Variants in TAF3 observed in about 807,000 individuals in gnomAD.
The protein encoded by TAF3 is transcription initiation factor TFIID subunit 3.
A neutral mutation model predicts 80.6 loss-of-function variants in TAF3; 7 were observed. That is an observed-to-expected ratio of 0.09 (90% CI 0.05 to 0.16). The LOEUF (loss-of-function observed/expected upper bound fraction) is 0.16. Among genes scored for constraint, TAF3 ranks in the 10% least tolerant of loss-of-function variants. TAF3 has a pLI of 1.00. For missense variants in TAF3, 921 were observed against 1,140.2 expected (o/e 0.81, Z 2.77); for synonymous variants, 444 against 446.1 (o/e 1.00, Z 0.06).
chr10:7,946,911 C>CT (rs1051456993), intron 2 of TAF3, among the ~76,000 whole-genome samples: 4 of 152,148 alleles, frequency 2.6e-5, no homozygotes, highest in Non-Finnish European at 4.4e-5. Flanking sequence ...TAAAACTTTT[C>CT]TTTTTTTAAA....
Position 7,920,348 on chromosome 10 carries a change from G to A in TAF3, c.410-43572G>A, listed in dbSNP as rs528010170. Among the ~76,000 whole-genome samples the A allele has an allele frequency of 1.3e-4, 20 of 149,058 alleles. No individual in the cohort carries two copies. The East Asian group carries it at 3.6e-3, about 27-fold the overall frequency. ...TGTGTGTGTATGTGTGTGTGTGTGT[G>A]TAAATGCTTGGTTCATTTGTTGAGT... On this transcript the variant is annotated intron_variant, in intron 2 of 6. Transcript: ENST00000344293.
intron 2 of TAF3, among the ~76,000 whole-genome samples, chr10:7,910,486 T>C (rs1313775154): frequency 2.0e-5 from 3 of 152,164 alleles, no homozygotes; most frequent in Non-Finnish European, 2.9e-5. Flanking sequence ...ATTCAAGTGA[T>C]TCTCCTGCTT....
At chr10:7,966,584 A>C (rs964339227) in intron 3 of TAF3, among the ~76,000 whole-genome samples, 2 of 152,098 alleles carry the variant, frequency 1.3e-5, no homozygotes, top group African/African-American at 4.8e-5. Context: ...CTTTCCGAAA[A>C]AGTATCTCTT....
chr10:7,933,882 C>T (rs1336811084), intron 2 of TAF3, among the ~76,000 whole-genome samples: 1 of 152,150 alleles, frequency 6.6e-6, no homozygotes, highest in Non-Finnish European at 1.5e-5. Flanking sequence ...TGCACGTTTT[C>T]CCCCCGATTT....
intron 2 of TAF3, among the ~76,000 whole-genome samples, chr10:7,959,675 T>C (rs1018498504): frequency 1.3e-5 from 2 of 152,210 alleles, no homozygotes; most frequent in African/African-American, 2.4e-5. Flanking sequence ...CCAATATATT[T>C]TCTAAAGTAG....
At chr10:7,993,280 G>T (rs1448978576) in intron 4 of TAF3, among the ~76,000 whole-genome samples, 1 of 152,160 alleles carries the variant, frequency 6.6e-6, no homozygotes, top group East Asian at 1.9e-4. Flanking sequence ...CTGAGCTCAA[G>T]CCATCCTCCC....
At chr10:7,924,067 C>G (rs1017702991) in intron 2 of TAF3, among the ~76,000 whole-genome samples, 1 of 152,170 alleles carries the variant, frequency 6.6e-6, no homozygotes, top group South Asian at 2.1e-4. Flanking sequence ...ATTCTCTTTG[C>G]GCACACCAAT....
At chr10:7,831,264 G>T (rs74556236) in intron 2 of TAF3, among the ~76,000 whole-genome samples, 3,124 of 151,848 alleles carry the variant, frequency 0.021, 218 homozygotes, top group East Asian at 0.17. Flanking sequence ...TTGGTTCCTT[G>T]TTATCCTTAG....
chr10:7,834,305 G>T (rs1403127446), intron 2 of TAF3, among the ~76,000 whole-genome samples: 1 of 152,088 alleles, frequency 6.6e-6, no homozygotes, highest in African/African-American at 2.4e-5. Context: ...TTTCCCCTAT[G>T]TTTTCTTTTA....
intron 2 of TAF3, among the ~76,000 whole-genome samples, chr10:7,927,013 G>T (rs1837822327): frequency 6.6e-6 from 1 of 152,104 alleles, no homozygotes; most frequent in African/African-American, 2.4e-5. Flanking sequence ...CTACACATGG[G>T]GTGGGGGATG....
Position 8,009,770 on chromosome 10 carries a change from TGC to T in TAF3, c.2568+441_2568+442del, listed in dbSNP as rs1832036302. Among the ~76,000 whole-genome samples the T allele has an allele frequency of 6.6e-6, 1 of 151,882 alleles. No individual in the cohort carries two copies. The highest frequency in any genetic ancestry group is 1.5e-5 in the Non-Finnish European group (1 of 67,952). On this transcript the variant is annotated intron_variant, in intron 5 of 6. Transcript: ENST00000344293. This position sits in a 1 kb window ranked among gnomAD's most constrained non-coding sequence, Gnocchi z 4.1. ...CTGAGTAGCTGGGATTACAGGCACG[TGC>T]CACCACACCTGGCCAATTTTTTGTA...
intron 5 of TAF3, among the ~76,000 whole-genome samples, chr10:8,012,521 G>A (rs1344200321): frequency 2.0e-5 from 3 of 152,250 alleles, no homozygotes; most frequent in South Asian, 2.1e-4. Context: ...CTTCAAGCAA[G>A]GTCAGCCAGC....
chr10:7,847,764 A>G (rs1345949862), intron 2 of TAF3, among the ~76,000 whole-genome samples: 2 of 149,910 alleles, frequency 1.3e-5, no homozygotes, highest in Non-Finnish European at 3.0e-5. Context: ...TCTTGTTAAA[A>G]CTTCTTTTTT....
intron 2 of TAF3, among the ~76,000 whole-genome samples, chr10:7,900,353 T>C (rs1422735751): frequency 6.6e-6 from 1 of 152,234 alleles, no homozygotes; most frequent in Non-Finnish European, 1.5e-5. Flanking sequence ...ATCATTCTTA[T>C]AAGGAAACAT....
intron 2 of TAF3, among the ~76,000 whole-genome samples, chr10:7,877,028 CT>C (rs34794475): frequency 3.0e-4 from 44 of 145,344 alleles, no homozygotes; most frequent in East Asian, 5.9e-4. Context: ...CTGCTCACTA[CT>C]TTTTTTTTTT....
rs116760061 is a variant in TAF3 at position 7,832,448 on chromosome 10, G to A, written c.409+7888G>A. ...CACAGTAAGTATAAATATTTATGGA[G>A]TACATAAGAATTTTAATAAAAGCAC... is the stretch of plus-strand genomic sequence containing the variant. On this transcript the variant is annotated intron_variant, in intron 2 of 6. Coordinates refer to ENST00000344293, the MANE Select transcript of TAF3 (RefSeq NM_031923.4). Among the ~76,000 whole-genome samples, 748 of 152,204 alleles carry A rather than the reference G, an allele frequency of 4.9e-3. 4 individuals are homozygous for A. The highest frequency in any genetic ancestry group is 0.015 in the African/African-American group (632 of 41,504).
intron 2 of TAF3, among the ~76,000 whole-genome samples, chr10:7,907,683 A>G (rs1019155387): frequency 6.6e-6 from 1 of 152,192 alleles, no homozygotes; most frequent in East Asian, 1.9e-4. Flanking sequence ...TGCCCTGCCC[A>G]TTTTAATACA....
intron 2 of TAF3, among the ~76,000 whole-genome samples, chr10:7,888,637 G>A (rs1837432163): frequency 6.6e-6 from 1 of 152,170 alleles, no homozygotes; most frequent in Non-Finnish European, 1.5e-5. Flanking sequence ...GGTTATGTAA[G>A]TGCCCTCACC....
chr10:7,824,744 C>T (rs183723028), intron 2 of TAF3, among the ~76,000 whole-genome samples, 184 bp downstream of exon 2: 38 of 152,268 alleles, frequency 2.5e-4, no homozygotes, highest in South Asian at 1.5e-3. Flanking sequence ...AGCCGAGTCA[C>T]GGTGTAATCA....
Sources: gnomAD v4.1 joint callset for allele counts (sites outside exome capture counted in the v4.1 genomes callset) on GRCh38, gnomAD v4.1.1 for gene constraint, Gnocchi (gnomAD v3.1) non-coding constraint, MANE v1.5 for transcripts, NCBI Gene and HGNC (gene_info 2026-07-23, HGNC 2026-07-21) for gene names.